The following FRMD4A variants were observed in gnomAD, a reference collection of about 807,000 sequenced individuals.
FRMD4A encodes FERM domain containing 4A.
Under a neutral mutation model 129.1 loss-of-function variants are expected in FRMD4A, and 29 were observed. The observed-to-expected ratio is 0.22, with a 90% CI of 0.17 to 0.31. FRMD4A has a LOEUF of 0.31. Ranked by LOEUF, FRMD4A falls within the 10% of genes least tolerant of loss-of-function variation. The pLI is 1.00. For synonymous variants in FRMD4A, 634 were observed against 571.6 expected, an observed-to-expected ratio of 1.11 and a Z score of -1.56; for missense variants, 1,272 against 1,375.8, an observed-to-expected ratio of 0.92 and a Z score of 1.19.
intron 12 of FRMD4A, among the ~76,000 whole-genome samples, chr10:13,709,040 G>A (rs971403243): frequency 6.6e-5 from 10 of 152,210 alleles, no homozygotes; most frequent in African/African-American, 2.2e-4. Flanking sequence ...TCGGCTCACT[G>A]CAACCTCTGC....
chr10:14,321,583 A>G (rs2132120907), intron 2 of FRMD4A, among the ~76,000 whole-genome samples: 1 of 152,236 alleles, frequency 6.6e-6, no homozygotes, highest in East Asian at 1.9e-4. Context: ...TAAGTGAGTA[A>G]TGTGGTATAT....
At chr10:14,236,350 T>C (rs1447702544) in intron 2 of FRMD4A, among the ~76,000 whole-genome samples, 1 of 152,016 alleles carries the variant, frequency 6.6e-6, no homozygotes, top group Non-Finnish European at 1.5e-5. Flanking sequence ...AGAGGTGTGA[T>C]TGGAAGGATT....
intron 2 of FRMD4A, among the ~76,000 whole-genome samples, chr10:13,911,563 C>T (rs1038158765): frequency 6.6e-6 from 1 of 152,070 alleles, no homozygotes; most frequent in Admixed American, 6.6e-5. Context: ...CAAGGAATCT[C>T]TTTTTATTTT....
At chr10:14,206,048 T>C (rs768311412) in intron 2 of FRMD4A, among the ~76,000 whole-genome samples, 1 of 152,168 alleles carries the variant, frequency 6.6e-6, no homozygotes, top group Non-Finnish European at 1.5e-5. Context: ...AGTTTTCCCA[T>C]GGGCCAGCCC....
chr10:14,200,174 T>A (rs1177298495), intron 2 of FRMD4A, among the ~76,000 whole-genome samples: 1 of 150,564 alleles, frequency 6.6e-6, no homozygotes, highest in African/African-American at 2.4e-5. Context: ...ATTACACGCA[T>A]GAGCCACTGT....
chr10:13,879,669 C>G (rs2094525040), intron 2 of FRMD4A, among the ~76,000 whole-genome samples: 1 of 99,526 alleles, frequency 1.0e-5, no homozygotes. Flanking sequence ...CCTTCCTCTT[C>G]CTCCTCCTTC....
At chr10:14,307,370 GAA>G (rs911008040) in intron 2 of FRMD4A, among the ~76,000 whole-genome samples, 1 of 152,182 alleles carries the variant, frequency 6.6e-6, no homozygotes, top group African/African-American at 2.4e-5. Context: ...GCCATCAAAA[GAA>G]AAAGAGGATG....
chr10:14,037,396 T>G (rs575864798), intron 2 of FRMD4A, among the ~76,000 whole-genome samples: 1 of 152,310 alleles, frequency 6.6e-6, no homozygotes, highest in East Asian at 1.9e-4. Flanking sequence ...TTTTGTATTT[T>G]TAGTAGAGAC....
intron 2 of FRMD4A, among the ~76,000 whole-genome samples, chr10:13,996,276 C>G (rs1692736391): frequency 6.6e-6 from 1 of 152,202 alleles, no homozygotes; most frequent in Non-Finnish European, 1.5e-5. Context: ...GGATTCACAT[C>G]TTAATGACAG....
At chr10:14,232,343 T>C (rs1201657622) in intron 2 of FRMD4A, among the ~76,000 whole-genome samples, 1 of 152,238 alleles carries the variant, frequency 6.6e-6, no homozygotes, top group Non-Finnish European at 1.5e-5. Flanking sequence ...CCCTTCAGTA[T>C]AGTTTGAAGT....
intron 2 of FRMD4A, among the ~76,000 whole-genome samples, chr10:14,184,298 A>ATTTTTTTTTTTTTTTTTTTTTTTTTT (rs60196881): frequency 9.5e-6 from 1 of 104,898 alleles, no homozygotes; most frequent in Admixed American, 1.1e-4. Flanking sequence ...CAACCGGTTA[A>ATTTTTTTTTTTTTTTTTTTTTTTTTT]TTTTTTTTTT....
At chr10:14,032,931 A>G (rs549597562) in intron 2 of FRMD4A, among the ~76,000 whole-genome samples, 12 of 152,212 alleles carry the variant, frequency 7.9e-5, no homozygotes, top group Non-Finnish European at 1.5e-4. Context: ...TATACCCAAG[A>G]GCAATTCAAG....
intron 2 of FRMD4A, among the ~76,000 whole-genome samples, chr10:14,150,217 G>C (rs117727086): frequency 0.023 from 3,494 of 152,188 alleles, 63 homozygotes; most frequent in Non-Finnish European, 0.036. Context: ...GGACACAGAG[G>C]CAAACCATAT....
chr10:13,772,114 C>T (rs2092471823), intron 6 of FRMD4A, among the ~76,000 whole-genome samples: 2 of 140,674 alleles, frequency 1.4e-5, no homozygotes, highest in African/African-American at 2.7e-5. Context: ...AAGACTCCGC[C>T]TCAAAAAAAT....
At chr10:14,228,231 T>C (rs1843514308) in intron 2 of FRMD4A, among the ~76,000 whole-genome samples, 1 of 152,182 alleles carries the variant, frequency 6.6e-6, no homozygotes, top group African/African-American at 2.4e-5. Flanking sequence ...ACTTCTGTCA[T>C]TATTCTTGTT....
intron 2 of FRMD4A, among the ~76,000 whole-genome samples, chr10:14,035,973 C>T (rs571279122): frequency 4.7e-5 from 7 of 148,432 alleles, no homozygotes; most frequent in East Asian, 2.0e-4. Flanking sequence ...ACCTGGGAGG[C>T]GGAGGTTGCA....
chr10:14,195,582 G>A (rs189489904), intron 2 of FRMD4A, among the ~76,000 whole-genome samples: 2 of 152,278 alleles, frequency 1.3e-5, no homozygotes, highest in East Asian at 3.9e-4. Flanking sequence ...GCTCAGTTTT[G>A]AACATCAAGT....
At chr10:13,799,703 C>T (rs1181122437) in intron 4 of FRMD4A, among the ~76,000 whole-genome samples, 3 of 152,118 alleles carry the variant, frequency 2.0e-5, no homozygotes. Flanking sequence ...AACTGGAGAA[C>T]TGTCTCTCCA....
chr10:13,689,198 C>CGGGGGGGGGGGGGGGG (rs61670615), intron 15 of FRMD4A, among the ~76,000 whole-genome samples: 1 of 68,028 alleles, frequency 1.5e-5, no homozygotes, highest in African/African-American at 4.5e-5. Flanking sequence ...AAACTCTTTG[C>CGGGGGGGGGGGGGGGG]GGGGGGGGGG....
Sources: gnomAD v4.1 joint callset for allele counts (sites outside exome capture counted in the v4.1 genomes callset) on GRCh38, gnomAD v4.1.1 for gene constraint, MANE v1.5 for transcripts, NCBI Gene and HGNC (gene_info 2026-07-23, HGNC 2026-07-21) for gene names.